The following RGS7 variants were observed in gnomAD, a reference collection of about 807,000 sequenced individuals.
RGS7 encodes the protein regulator of G-protein signaling 7.
A neutral mutation model predicts 81.1 loss-of-function variants in RGS7; 27 were observed. The ratio of observed to expected loss-of-function variants is 0.33; its 90% confidence interval spans 0.25 to 0.46. The LOEUF is 0.46. Among genes scored for constraint, RGS7 ranks in the 20% least tolerant of loss-of-function variants. RGS7 has a pLI of 1.00. For synonymous variants in RGS7, 208 were observed against 207.7 expected, an observed-to-expected ratio of 1.00 and a Z score of -0.01; for missense variants, 396 against 607.4, an observed-to-expected ratio of 0.65 and a Z score of 3.66.
intron 2 of RGS7, among the ~76,000 whole-genome samples, chr1:241,272,979 C>T (rs1167687638): frequency 6.6e-6 from 1 of 151,954 alleles, no homozygotes; most frequent in Admixed American, 6.6e-5. Context: ...TGATCTTTAA[C>T]ATATATACAT....
Position 241,232,932 on chromosome 1 carries a change from T to C in RGS7, c.78+122767A>G, listed in dbSNP as rs191301527. On this transcript the variant is annotated intron_variant, in intron 2 of 18. Coordinates refer to ENST00000440928, the MANE Select transcript of RGS7 (RefSeq NM_001364886.1). ...TTTTTATTGTTATATTGTCCATTGC[T>C]AGCATACAGGATTAAATTATTGTAG... Among the ~76,000 whole-genome samples, 163 of 152,302 alleles carry C rather than the reference T, an allele frequency of 1.1e-3. 1 individual carries two copies. Among genetic ancestry groups the C allele is most frequent in the Middle Eastern group, 3.4e-3 (1 of 294 alleles).
chr1:241,227,591 A>T (rs987126306), intron 2 of RGS7, among the ~76,000 whole-genome samples: 2 of 149,730 alleles, frequency 1.3e-5, no homozygotes, highest in Non-Finnish European at 1.5e-5. Context: ...AAAAAAAAAT[A>T]GAACAATTAG....
At chr1:241,296,231 G>A (rs2079415456) in intron 2 of RGS7, among the ~76,000 whole-genome samples, 1 of 152,026 alleles carries the variant, frequency 6.6e-6, no homozygotes. Context: ...GAGAAGATAG[G>A]AGAAGATACC....
chr1:240,874,097 G>T (rs1664949386), intron 6 of RGS7, among the ~76,000 whole-genome samples: 1 of 151,970 alleles, frequency 6.6e-6, no homozygotes, highest in Admixed American at 6.6e-5. Context: ...TACCATGTGG[G>T]GACACAGCAA....
Position 240,813,347 on chromosome 1 carries a change from A to G in RGS7, c.956+271T>C, listed in dbSNP as rs148883820. 9.8e-5 allele frequency among the ~76,000 whole-genome samples: 15 copies of G among 152,354 alleles called. No homozygotes were observed. In the East Asian group the frequency reaches 2.9e-3, roughly 29 times the overall value. On this transcript the variant is annotated intron_variant, in intron 13 of 18. Transcript: ENST00000440928. ...GATAATAGCAATGAGCTAAATTTCA[A>G]GAGCTGAAGATCCTAACTCTGACTA...
intron 2 of RGS7, among the ~76,000 whole-genome samples, chr1:241,344,961 T>A (rs1458683631): frequency 1.3e-5 from 2 of 152,146 alleles, no homozygotes; most frequent in Non-Finnish European, 2.9e-5. Context: ...CTGTTCACAA[T>A]AACAAAGACA....
intron 3 of RGS7, among the ~76,000 whole-genome samples, chr1:241,067,406 TTCAGATAAGTGGGCTA>T (rs2062127201): frequency 6.6e-6 from 1 of 152,130 alleles, no homozygotes; most frequent in South Asian, 2.1e-4. Context: ...ATCAGTGTTT[TTCAGATAAGTGGGCTA>T]GTATGAAGAC....
At chr1:241,352,506 T>C (rs1341114120) in intron 2 of RGS7, among the ~76,000 whole-genome samples, 5 of 152,240 alleles carry the variant, frequency 3.3e-5, no homozygotes, top group African/African-American at 1.2e-4. Flanking sequence ...CCTATAAGGA[T>C]TTTTAAAATG....
At chr1:241,312,642 A>G (rs941959006) in intron 2 of RGS7, among the ~76,000 whole-genome samples, 3 of 151,956 alleles carry the variant, frequency 2.0e-5, no homozygotes, top group Non-Finnish European at 4.4e-5. Context: ...TGCTCCACCA[A>G]CCAGCCGTTG....
chr1:241,282,492 T>C (rs2078573779), intron 2 of RGS7, among the ~76,000 whole-genome samples: 1 of 152,220 alleles, frequency 6.6e-6, no homozygotes, highest in Non-Finnish European at 1.5e-5. Flanking sequence ...TCTTGGAATT[T>C]TCTACATAGA....
At chr1:241,297,598 C>T (rs1177149629) in intron 2 of RGS7, among the ~76,000 whole-genome samples, 1 of 152,080 alleles carries the variant, frequency 6.6e-6, no homozygotes, top group African/African-American at 2.4e-5. Context: ...CAGGCAAAAA[C>T]CCAACAGTGT....
chr1:240,785,225 A>C (rs1684863748), intron 18 of RGS7, among the ~76,000 whole-genome samples: 1 of 152,156 alleles, frequency 6.6e-6, no homozygotes, highest in Non-Finnish European at 1.5e-5. Flanking sequence ...CAGACTCTTT[A>C]CTGTTACCCA....
intron 3 of RGS7, among the ~76,000 whole-genome samples, chr1:241,049,456 C>A (rs2061132925): frequency 6.6e-6 from 1 of 152,202 alleles, no homozygotes; most frequent in African/African-American, 2.4e-5. Flanking sequence ...ATGTAGTCAA[C>A]TCAAATCTCT....
chr1:241,061,934 C>T (rs2945543), intron 3 of RGS7, among the ~76,000 whole-genome samples: 96,736 of 152,092 alleles, frequency 0.64, 31,539 homozygotes, highest in East Asian at 0.85. Flanking sequence ...CATGCTTGGT[C>T]GTATCTCAAC....
intron 9 of RGS7, among the ~76,000 whole-genome samples, chr1:240,855,748 A>T (rs1385907661): frequency 1.3e-5 from 2 of 151,978 alleles, no homozygotes; most frequent in Non-Finnish European, 1.5e-5. Context: ...ACTTGTGAAA[A>T]AGATTTTATC....
chr1:240,788,251 C>T (rs1685396351), intron 18 of RGS7, among the ~76,000 whole-genome samples: 2 of 152,132 alleles, frequency 1.3e-5, no homozygotes, highest in South Asian at 4.1e-4. Flanking sequence ...TACTTAAATG[C>T]AGTATGCCAT....
At chr1:241,206,811 T>C (rs998097149) in intron 2 of RGS7, among the ~76,000 whole-genome samples, 53 of 152,228 alleles carry the variant, frequency 3.5e-4, no homozygotes, top group African/African-American at 1.3e-3. Flanking sequence ...CCTTAGGCCA[T>C]GGGAACACCC....
chr1:240,956,272 C>T (rs1219471088), intron 4 of RGS7, among the ~76,000 whole-genome samples: 1 of 151,664 alleles, frequency 6.6e-6, no homozygotes, highest in Non-Finnish European at 1.5e-5. Flanking sequence ...CAGGAGCCAA[C>T]TCCAAGAGTT....
intron 9 of RGS7, among the ~76,000 whole-genome samples, chr1:240,860,306 C>T (rs1187698722): frequency 6.6e-6 from 1 of 152,148 alleles, no homozygotes; most frequent in East Asian, 1.9e-4. Context: ...AGGGGTATTA[C>T]AGTCTCAAAA....
Sources: gnomAD v4.1 joint callset for allele counts (sites outside exome capture counted in the v4.1 genomes callset) on GRCh38, gnomAD v4.1.1 for gene constraint, MANE v1.5 for transcripts, NCBI Gene and HGNC (gene_info 2026-07-23, HGNC 2026-07-21) for gene names.